The following TRPM3 variants were observed in gnomAD, a reference collection of about 807,000 sequenced individuals.
TRPM3 encodes long transient receptor potential channel 3.
TRPM3 carries 77 observed loss-of-function variants against 181.2 expected under a neutral mutation model. The ratio of observed to expected loss-of-function variants is 0.42; its 90% confidence interval spans 0.35 to 0.51. The LOEUF is 0.51. TRPM3 is among the 20% of genes least tolerant of loss of function. The pLI, the probability that TRPM3 is intolerant of heterozygous loss-of-function variation, is 0.01. For missense variants in TRPM3, 1,759 were observed against 2,196.7 expected (o/e 0.80, Z 3.98); for synonymous variants, 745 against 796.4 (o/e 0.94, Z 1.09).
rs148025723 is a variant in TRPM3, at chr9:70,834,408, G to A, written c.802-6390C>T. On this transcript the variant is annotated intron_variant, in intron 5 of 25. Transcript: ENST00000677713. ...CAGAACCTACTGGCAGTGGGAAAAG[G>A]CTGTTGAGTTCTGAAAGACGGTTAC... 3.5e-3 allele frequency among the ~76,000 whole-genome samples: 540 copies of A among 152,298 alleles called. 4 individuals are homozygous for A. The highest frequency in any genetic ancestry group is 0.012 in the African/African-American group (505 of 41,558).
intron 22 of TRPM3, among the ~76,000 whole-genome samples, chr9:70,583,314 G>C (rs771811487): frequency 5.3e-5 from 8 of 152,228 alleles, no homozygotes; most frequent in Non-Finnish European, 1.2e-4. Context: ...TTCATAGCTT[G>C]CGCATGCTTT....
chr9:71,030,535 A>G (rs1333952875), intron 1 of TRPM3, among the ~76,000 whole-genome samples: 2 of 151,958 alleles, frequency 1.3e-5, no homozygotes, highest in Non-Finnish European at 2.9e-5. Context: ...ATTGCACTCC[A>G]GCCTGGGCAA....
rs940905182 is a variant in TRPM3 at position 70,531,971 on chromosome 9, GTTTC to G, written c.*3978_*3981del. The G allele has an allele frequency of 2.0e-5, 3 of 152,088 alleles. No homozygotes were observed. Among genetic ancestry groups the G allele is most frequent in the Non-Finnish European group, 4.4e-5 (3 of 68,020 alleles). 9.4% of individuals were successfully genotyped at this position (152,088 alleles called of 1,614,324 possible). On this transcript the variant is annotated 3_prime_UTR_variant, in exon 26 of 26. Transcript: ENST00000677713. ...AACATAATTAATCATTGCAACATGT[GTTTC>G]TTTATTGAATGTTACAGATTTATAA... is the stretch of plus-strand genomic sequence containing the variant.
intron 1 of TRPM3, among the ~76,000 whole-genome samples, chr9:71,222,286 A>G (rs544143628): frequency 1.3e-5 from 2 of 152,378 alleles, no homozygotes; most frequent in African/African-American, 4.8e-5. Flanking sequence ...AAGTTAAAGA[A>G]ATAAAGTTCT....
chr9:71,202,238 T>C (rs2131736193), intron 1 of TRPM3, among the ~76,000 whole-genome samples: 1 of 152,282 alleles, frequency 6.6e-6, no homozygotes, highest in East Asian at 1.9e-4. Flanking sequence ...AGTCTGCCCC[T>C]ACCGGGGGGT....
chr9:70,753,727 G>C (rs910886739), intron 8 of TRPM3, among the ~76,000 whole-genome samples: 7 of 152,126 alleles, frequency 4.6e-5, no homozygotes, highest in Admixed American at 3.9e-4. Flanking sequence ...AGTGGTGGGA[G>C]GGGGGAGGTA....
intron 9 of TRPM3, among the ~76,000 whole-genome samples, chr9:70,645,603 AC>A (rs139662033): frequency 0.082 from 12,500 of 152,058 alleles, 627 homozygotes; most frequent in South Asian, 0.14. Context: ...AACCATAAAA[AC>A]CCTAGAAGAA....
chr9:70,786,311 C>CAAAAAAAAAAAAAAAAAA (rs71367227), intron 6 of TRPM3, among the ~76,000 whole-genome samples: 24 of 54,460 alleles, frequency 4.4e-4, no homozygotes, highest in East Asian at 1.0e-3. Context: ...CTAAAAATAC[C>CAAAAAAAAAAAAAAAAAA]AAAAAAAAAA....
intron 1 of TRPM3, among the ~76,000 whole-genome samples, chr9:71,443,646 G>A (rs767952716): frequency 5.3e-5 from 8 of 152,026 alleles, no homozygotes; most frequent in Non-Finnish European, 1.0e-4. Flanking sequence ...TAAGATTAGC[G>A]TCAAAATCAT....
At chr9:71,392,681 A>G (rs1347215240) in intron 1 of TRPM3, among the ~76,000 whole-genome samples, 2 of 152,080 alleles carry the variant, frequency 1.3e-5, no homozygotes, top group African/African-American at 4.8e-5. Context: ...GTCTCTCAAG[A>G]CTTACAGCAC....
intron 1 of TRPM3, among the ~76,000 whole-genome samples, chr9:70,940,735 G>C (rs1348665497): frequency 6.6e-6 from 1 of 152,198 alleles, no homozygotes; most frequent in Non-Finnish European, 1.5e-5. Context: ...AGGATGAGGA[G>C]TCAGCAATGA....
At chr9:71,254,243 A>C (rs2082534744) in intron 1 of TRPM3, among the ~76,000 whole-genome samples, 1 of 152,158 alleles carries the variant, frequency 6.6e-6, no homozygotes, top group African/African-American at 2.4e-5. Context: ...AAGTGAGATA[A>C]ACCAAGCGCA....
intron 1 of TRPM3, among the ~76,000 whole-genome samples, chr9:70,897,642 A>G: frequency 6.6e-6 from 1 of 152,194 alleles, no homozygotes; most frequent in Non-Finnish European, 1.5e-5. Context: ...CATAAAGTCT[A>G]TAGTAACTCT....
chr9:71,039,396 A>G (rs1159589335), intron 1 of TRPM3, among the ~76,000 whole-genome samples: 1 of 152,222 alleles, frequency 6.6e-6, no homozygotes, highest in Non-Finnish European at 1.5e-5. Context: ...AAGGTCTATG[A>G]CATTTAAGTT....
At chr9:71,357,201 A>G (rs945799707) in intron 1 of TRPM3, among the ~76,000 whole-genome samples, 1 of 152,204 alleles carries the variant, frequency 6.6e-6, no homozygotes, top group African/African-American at 2.4e-5. Context: ...CTCATTTTCA[A>G]ACACTGCAAG....
At chr9:70,948,100 C>T (rs2096955707) in intron 1 of TRPM3, among the ~76,000 whole-genome samples, 1 of 144,602 alleles carries the variant, frequency 6.9e-6, no homozygotes, top group African/African-American at 2.7e-5. Context: ...TATTTTTACT[C>T]TCACATTGAA....
intron 6 of TRPM3, chr9:70,810,013 C>G (rs777126812): frequency 1.9e-6 from 1 of 534,574 alleles, no homozygotes; most frequent in Non-Finnish European, 3.8e-6. Context: ...GCCTTCCCAG[C>G]CTCCTTCATA....
At chr9:71,266,515 C>T (rs191326923) in intron 1 of TRPM3, among the ~76,000 whole-genome samples, 3 of 152,120 alleles carry the variant, frequency 2.0e-5, no homozygotes, top group Non-Finnish European at 4.4e-5. Flanking sequence ...ATCCCTCTTT[C>T]TCTCCCATCT....
At chr9:70,985,417 G>C (rs1250647958) in intron 1 of TRPM3, among the ~76,000 whole-genome samples, 1 of 152,162 alleles carries the variant, frequency 6.6e-6, no homozygotes, top group Non-Finnish European at 1.5e-5. Context: ...TTCTAGAGAA[G>C]GCAACCCAGT....
Sources: gnomAD v4.1 joint callset for allele counts (sites outside exome capture counted in the v4.1 genomes callset) on GRCh38, gnomAD v4.1.1 for gene constraint, MANE v1.5 for transcripts, NCBI Gene and HGNC (gene_info 2026-07-23, HGNC 2026-07-21) for gene names.